Variants in CR1L observed in about 807,000 individuals in gnomAD.
CR1L encodes complement component receptor 1-like protein.
In CR1L, 59 loss-of-function variants were observed where a neutral mutation model predicts 62.3. The observed-to-expected ratio is 0.95, with a 90% CI of 0.77 to 1.18. The LOEUF (loss-of-function observed/expected upper bound fraction) is 1.18. CR1L is among the 50% of genes most tolerant of loss of function. The pLI, the probability that CR1L is intolerant of heterozygous loss-of-function variation, is 0.00. For missense variants in CR1L, 700 were observed against 702.8 expected (o/e 1.00, Z 0.04); for synonymous variants, 279 against 248.7 (o/e 1.12, Z -1.15).
intron 1 of CR1L, among the ~76,000 whole-genome samples, chr1:207,648,188 C>G (rs1393744497): frequency 1.9e-5 from 2 of 104,074 alleles, no homozygotes; most frequent in African/African-American, 8.2e-5. Flanking sequence ...CACACACACA[C>G]ACACACACAC....
At chr1:207,704,224 T>G (rs1224855659) in intron 9 of CR1L, among the ~76,000 whole-genome samples, 1 of 152,222 alleles carries the variant, frequency 6.6e-6, no homozygotes, top group Non-Finnish European at 1.5e-5. Flanking sequence ...ATTGCAGATG[T>G]GACAGAAGTA....
chr1:207,684,235 C>A (rs906358908), intron 4 of CR1L, among the ~76,000 whole-genome samples: 1 of 152,116 alleles, frequency 6.6e-6, no homozygotes, highest in African/African-American at 2.4e-5. Flanking sequence ...GTTGGTTCTA[C>A]CACCTCCAGT....
chr1:207,686,091 CCTCCTTT>C, intron 4 of CR1L, among the ~76,000 whole-genome samples: 1 of 66,656 alleles, frequency 1.5e-5, no homozygotes, highest in African/African-American at 5.6e-5. Context: ...TCCCTTCCTC[CCTCCTTT>C]CCTTCCTTCC....
chr1:207,656,154 C>T (rs1663307143), intron 1 of CR1L, among the ~76,000 whole-genome samples: 2 of 152,302 alleles, frequency 1.3e-5, no homozygotes, highest in South Asian at 2.1e-4. Context: ...AGGAGAATGG[C>T]GTGAACCCGG....
rs915271055 is a variant in CR1L at position 207,697,860 on chromosome 1, G to T, written c.1129G>T (p.Val377Phe). The change falls in exon 7 of 12, where the codon GTT becomes TTT. Residue 377 changes from valine to phenylalanine, a missense_variant. Val to Phe is a conservative substitution (Grantham distance 50). Coordinates refer to ENST00000508064, the MANE Select transcript of CR1L (RefSeq NM_175710.2). The stretch of plus-strand genomic sequence containing the variant: ...CCAGCTTGGAGCAAAAGTGGATTTT[G>T]TTTGTGATGAAGGGTGAGTATGAGC... ...NLQLGAKVDFVCDEGFQLKGS... is the reference protein window; with the variant it reads ...NLQLGAKVDFFCDEGFQLKGS... The T allele has an allele frequency of 2.5e-6, 4 of 1,613,732 alleles. No homozygotes were observed. Among genetic ancestry groups the T allele is most frequent in the African/African-American group, 2.7e-5 (2 of 74,856 alleles).
At chr1:207,646,407 A>G (rs1193544450) in intron 1 of CR1L, among the ~76,000 whole-genome samples, 1 of 152,180 alleles carries the variant, frequency 6.6e-6, no homozygotes, top group Admixed American at 6.5e-5. Flanking sequence ...AATGGAATCA[A>G]TATTTTTAAA....
intron 11 of CR1L, among the ~76,000 whole-genome samples, chr1:207,718,822 G>A (rs955199830): frequency 2.6e-5 from 4 of 151,054 alleles, no homozygotes; most frequent in East Asian, 3.9e-4. Context: ...TGTTTATTGC[G>A]GCATTATTCA....
At chr1:207,719,360 A>C (rs973800423) in intron 11 of CR1L, among the ~76,000 whole-genome samples, 2 of 152,000 alleles carry the variant, frequency 1.3e-5, no homozygotes, top group African/African-American at 2.4e-5. Context: ...GTGTTATCTT[A>C]CAGGTAGCAG....
chr1:207,688,011 G>A lies in CR1L; in HGVS notation c.463+4054G>A, dbSNP rs140721618. Among the ~76,000 whole-genome samples the A allele has an allele frequency of 6.0e-3, 913 of 152,174 alleles. 6 individuals carry two copies. Among genetic ancestry groups the A allele is most frequent in the African/African-American group, 0.021 (854 of 41,520 alleles). Reference sequence around the variant, plus strand: ...AATTGGGCCAGGTGAGGTGGCTCACGTCTATAATCCTAGCACTTTGGGAGG... The same window carrying A: ...AATTGGGCCAGGTGAGGTGGCTCACATCTATAATCCTAGCACTTTGGGAGG... On this transcript the variant is annotated intron_variant, in intron 4 of 11. Coordinates refer to ENST00000508064, the MANE Select transcript of CR1L (RefSeq NM_175710.2).
At chr1:207,666,886 A>G (rs1165018674) in intron 1 of CR1L, among the ~76,000 whole-genome samples, 1 of 152,214 alleles carries the variant, frequency 6.6e-6, no homozygotes, top group African/African-American at 2.4e-5. Context: ...GATATGGATC[A>G]TGTATTTCCA....
At position 207,723,674 on chromosome 1, in the gene CR1L, T is replaced by C. The variant is rs1277866965; in HGVS notation, c.1699T>C (p.Cys567Arg). The C allele has an allele frequency of 3.8e-6, 6 of 1,587,634 alleles. No homozygotes were observed. The highest frequency in any genetic ancestry group is 1.1e-5 in the South Asian group (1 of 87,972). ...KFYEVFAEEF[C>R]HL is the part of the protein sequence containing the mutation. ...TTATGAAGTGTTTGCTGAGGAATTC[T>C]GTCATCTTTAACAGTAAGTACCTAC... The change falls in exon 12 of 12, where the codon TGT becomes CGT. Residue 567 changes from cysteine to arginine, a missense_variant. Cys to Arg is a radical substitution (Grantham distance 180). Transcript: ENST00000508064.
intron 10 of CR1L, chr1:207,708,792 T>C (rs1339498675): frequency 6.6e-6 from 3 of 453,178 alleles, no homozygotes; most frequent in Non-Finnish European, 1.3e-5. Flanking sequence ...ATGTGTATAA[T>C]CCTGGGTTTA....
chr1:207,699,344 C>G (rs1664157151), intron 8 of CR1L, 70 bp downstream of exon 8: 1 of 1,550,034 alleles, frequency 6.5e-7, no homozygotes. Flanking sequence ...CCCATGACCT[C>G]CCCTAATGTG....
At chr1:207,695,072 G>T (rs1664055525) in intron 5 of CR1L, among the ~76,000 whole-genome samples, 1 of 152,168 alleles carries the variant, frequency 6.6e-6, no homozygotes, top group Non-Finnish European at 1.5e-5. Context: ...GGCTACATGT[G>T]AATTTTAATC....
At chr1:207,672,309 G>A (rs572628575) in intron 1 of CR1L, among the ~76,000 whole-genome samples, 1 of 150,486 alleles carries the variant, frequency 6.6e-6, no homozygotes, top group Non-Finnish European at 1.5e-5. Context: ...TAATGATAAA[G>A]GGGCTAATTC....
chr1:207,692,767 C>T (rs1664016663), intron 4 of CR1L, among the ~76,000 whole-genome samples: 1 of 151,420 alleles, frequency 6.6e-6, no homozygotes, highest in Non-Finnish European at 1.5e-5. Context: ...TTGTGATCTT[C>T]AGGCGTGCCA....
Position 207,683,966 on chromosome 1 carries a change from A to C in CR1L, c.463+9A>C. On this transcript the variant is annotated intron_variant, in intron 4 of 11. Coordinates refer to ENST00000508064, the MANE Select transcript of CR1L (RefSeq NM_175710.2). Reference sequence around the variant, plus strand: ...AACACCTGTTTGTGACAGTGAGTTGAAATATGCATTCCTATTTCTTTTACC... The same window carrying C: ...AACACCTGTTTGTGACAGTGAGTTGCAATATGCATTCCTATTTCTTTTACC... 6.2e-7 allele frequency: 1 copy of C among 1,607,654 alleles called. No individual in the cohort carries two copies. The highest frequency in any genetic ancestry group is 8.5e-7 in the Non-Finnish European group (1 of 1,174,980).
chr1:207,666,692 G>A (rs1029630141), intron 1 of CR1L, among the ~76,000 whole-genome samples: 9 of 152,180 alleles, frequency 5.9e-5, no homozygotes, highest in African/African-American at 2.2e-4. Flanking sequence ...CACATACTGG[G>A]ATCTATTGGA....
Position 207,706,196 on chromosome 1 carries a change from A to T in CR1L, c.1329-1982A>T, listed in dbSNP as rs564416364. On this transcript the variant is annotated intron_variant, in intron 9 of 11. Transcript: ENST00000508064. ...CAACACTGAGAGGCCGAAGCAAGAG[A>T]ATCACTTGACCCCAGGACCTCGAGA... Among the ~76,000 whole-genome samples the T allele has an allele frequency of 4.6e-5, 7 of 151,960 alleles. 1 individual carries two copies. The highest frequency in any genetic ancestry group is 4.2e-4 in the South Asian group (2 of 4,812).
Sources: allele counts gnomAD v4.1 joint callset (sites outside exome capture counted in the v4.1 genomes callset), GRCh38; gene constraint gnomAD v4.1.1; transcripts MANE v1.5; gene names NCBI Gene and HGNC (gene_info 2026-07-23, HGNC 2026-07-21).